The following PCDH9 variants were observed in gnomAD, a reference collection of about 807,000 sequenced individuals.
The protein encoded by PCDH9 is protocadherin-9.
In PCDH9, 24 loss-of-function variants were observed where a neutral mutation model predicts 70.6. The observed-to-expected ratio is 0.34, with a 90% confidence interval of 0.25 to 0.48. The LOEUF (loss-of-function observed/expected upper bound fraction) is 0.48, where lower values mean the gene tolerates loss of function less well. PCDH9 is among the 20% of genes least tolerant of loss of function. PCDH9 has a pLI of 0.99. For synonymous variants in PCDH9, 562 were observed against 558.5 expected, an observed-to-expected ratio of 1.01 and a Z score of -0.09; for missense variants, 1,281 against 1,503.6, an observed-to-expected ratio of 0.85 and a Z score of 2.45.
intron 3 of PCDH9, among the ~76,000 whole-genome samples, chr13:66,878,004 C>T (rs1381178581): frequency 6.6e-6 from 1 of 152,072 alleles, no homozygotes; most frequent in Non-Finnish European, 1.5e-5. Context: ...TTTCCTTGAT[C>T]AGCATTTGAC....
At chr13:66,567,728 G>T (rs967938205) in intron 4 of PCDH9, among the ~76,000 whole-genome samples, 13 of 152,116 alleles carry the variant, frequency 8.5e-5, no homozygotes, top group African/African-American at 3.1e-4. Context: ...CCATTTTAAA[G>T]TACAAACCAA....
chr13:66,754,390 T>A (rs1245000657), intron 3 of PCDH9, among the ~76,000 whole-genome samples: 1 of 150,046 alleles, frequency 6.7e-6, no homozygotes, highest in Non-Finnish European at 1.5e-5. Flanking sequence ...ATAAAATAAA[T>A]AAAATAACAT....
chr13:66,417,081 G>A (rs981692932), intron 4 of PCDH9, among the ~76,000 whole-genome samples: 1 of 152,058 alleles, frequency 6.6e-6, no homozygotes, highest in Non-Finnish European at 1.5e-5. Context: ...GAACATGCAG[G>A]TTTGTTACAT....
intron 2 of PCDH9, chr13:67,213,956 T>C (rs527585059): frequency 6.6e-6 from 1 of 152,182 alleles, no homozygotes; most frequent in Non-Finnish European, 1.5e-5. Flanking sequence ...ATTGAACTAG[T>C]AACAAATCTC....
chr13:67,199,372 T>A (rs1456042635), intron 2 of PCDH9, among the ~76,000 whole-genome samples: 1 of 151,894 alleles, frequency 6.6e-6, no homozygotes, highest in Non-Finnish European at 1.5e-5. Flanking sequence ...CCCTGCACTC[T>A]ATTCTTCTCA....
intron 2 of PCDH9, among the ~76,000 whole-genome samples, chr13:66,940,194 C>A (rs771040648): frequency 6.6e-6 from 1 of 152,106 alleles, no homozygotes; most frequent in Non-Finnish European, 1.5e-5. Context: ...ATTTCCAATT[C>A]ATTGGCCTTC....
At chr13:66,859,291 T>C (rs2081443595) in intron 3 of PCDH9, among the ~76,000 whole-genome samples, 2 of 152,152 alleles carry the variant, frequency 1.3e-5, no homozygotes, top group Non-Finnish European at 2.9e-5. Context: ...CTTTTTGGTG[T>C]AGTAATAGGT....
intron 3 of PCDH9, among the ~76,000 whole-genome samples, chr13:66,669,865 T>C (rs2139035603): frequency 6.6e-6 from 1 of 152,322 alleles, no homozygotes; most frequent in South Asian, 2.1e-4. Flanking sequence ...TTTTAACAAA[T>C]GTGTTTTAAT....
chr13:66,650,789 G>A (rs2077840240), intron 3 of PCDH9, among the ~76,000 whole-genome samples: 1 of 151,704 alleles, frequency 6.6e-6, no homozygotes, highest in African/African-American at 2.4e-5. Context: ...CAGGCCACAA[G>A]ACAAGTCTCA....
chr13:67,121,191 T>G (rs1013252689), intron 2 of PCDH9, among the ~76,000 whole-genome samples: 2 of 152,196 alleles, frequency 1.3e-5, no homozygotes, highest in Non-Finnish European at 2.9e-5. Flanking sequence ...TTTAAAAAAT[T>G]TTTGGAATTG....
intron 3 of PCDH9, among the ~76,000 whole-genome samples, chr13:66,853,634 G>A (rs2081349855): frequency 6.6e-6 from 1 of 152,112 alleles, no homozygotes; most frequent in African/African-American, 2.4e-5. Flanking sequence ...GAGATAAATG[G>A]GCTTAGAGGG....
At chr13:67,019,116 T>C (rs562480639) in intron 2 of PCDH9, among the ~76,000 whole-genome samples, 2 of 151,456 alleles carry the variant, frequency 1.3e-5, no homozygotes, top group East Asian at 3.9e-4. Context: ...ATGAGAATCT[T>C]CCCTTCCTTC....
intron 4 of PCDH9, among the ~76,000 whole-genome samples, chr13:66,331,812 A>C (rs1452327007): frequency 6.6e-6 from 1 of 152,192 alleles, no homozygotes; most frequent in Non-Finnish European, 1.5e-5. Context: ...GTTCCTTGGC[A>C]AGAAAGCTAT....
intron 4 of PCDH9, among the ~76,000 whole-genome samples, chr13:66,407,495 G>A (rs1372652455): frequency 1.3e-5 from 2 of 152,154 alleles, no homozygotes; most frequent in East Asian, 3.9e-4. Context: ...GGGGAGTCCT[G>A]AGGAGGGGGG....
At chr13:66,607,745 C>G (rs184152995) in intron 4 of PCDH9, among the ~76,000 whole-genome samples, 2 of 151,930 alleles carry the variant, frequency 1.3e-5, no homozygotes, top group African/African-American at 4.8e-5. Context: ...AGAGTGTTGG[C>G]TACAGTAAAG....
rs554915666 is a variant in PCDH9, at chr13:66,610,970, C to A, written c.3340+20240G>T. Among the ~76,000 whole-genome samples, 4 of 152,228 alleles carry A rather than the reference C, an allele frequency of 2.6e-5. 1 individual carries two copies. In the South Asian group the frequency reaches 8.3e-4, roughly 32 times the overall value. ...ACATAAAAGATAATGTACTCCCTTT[C>A]TTGACTGAAGCAGTTTCCTTTTTCA... On this transcript the variant is annotated intron_variant, in intron 4 of 4. Transcript: ENST00000377865.
At chr13:67,164,720 T>G (rs2088062453) in intron 2 of PCDH9, among the ~76,000 whole-genome samples, 1 of 152,178 alleles carries the variant, frequency 6.6e-6, no homozygotes, top group African/African-American at 2.4e-5. Context: ...TAGAGCCTGT[T>G]TTCATCTCAG....
chr13:67,034,286 A>T (rs1186866549), intron 2 of PCDH9, among the ~76,000 whole-genome samples: 1 of 152,072 alleles, frequency 6.6e-6, no homozygotes, highest in Admixed American at 6.6e-5. Context: ...CCCAGCCAGG[A>T]TTGCGTTTTA....
chr13:66,769,751 C>T (rs1231361697), intron 3 of PCDH9, among the ~76,000 whole-genome samples: 1 of 152,042 alleles, frequency 6.6e-6, no homozygotes, highest in Admixed American at 6.6e-5. Context: ...GGAAATAGAA[C>T]CACAGAATTG....
Sources: gnomAD v4.1 joint callset for allele counts (sites outside exome capture counted in the v4.1 genomes callset) on GRCh38, gnomAD v4.1.1 for gene constraint, MANE v1.5 for transcripts, NCBI Gene and HGNC (gene_info 2026-07-23, HGNC 2026-07-21) for gene names.